Variants in SPNS1 observed in about 807,000 individuals in gnomAD.
SPNS1 encodes protein spinster homolog 1.
SPNS1 carries 22 observed loss-of-function variants against 50.3 expected under a neutral mutation model. That is an observed-to-expected ratio of 0.44 (90% confidence interval 0.31 to 0.62). The LOEUF is 0.62. Ranked by LOEUF, SPNS1 falls within the 20% of genes least tolerant of loss-of-function variation. SPNS1 has a pLI of 0.07. For missense variants in SPNS1, 576 were observed against 728.6 expected, an observed-to-expected ratio of 0.79 and a Z score of 2.41; for synonymous variants, 295 against 317.4, an observed-to-expected ratio of 0.93 and a Z score of 0.75.
At position 28,983,805 on chromosome 16, in the gene SPNS1, G is replaced by A. The variant is rs750776330; in HGVS notation, c.1340G>A (p.Arg447Gln). ...LIGLISDRLR[R>Q]NWPPSFLSEF... The stretch of plus-strand genomic sequence containing the variant: ...CTGCAGATCTCTGACCGCCTGCGCC[G>A]GAACTGGCCCCCCTCCTTCTTGTCC... Residue 447 changes from arginine (R) to glutamine (Q), a missense_variant, in exon 11 of 12, where the codon CGG becomes CAG. By Grantham distance (43) the Arg-to-Gln change is conservative. Around this residue, in one of 3 missense-constraint regions of SPNS1, gnomAD observed 428 missense variants for 520.1 expected, o/e 0.82. Coordinates refer to ENST00000311008, the MANE Select transcript of SPNS1 (RefSeq NM_032038.3). This position sits in a 1 kb window ranked among gnomAD's most constrained non-coding sequence, Gnocchi z 5.4. 25 of 1,597,062 alleles carry A rather than the reference G, an allele frequency of 1.6e-5. No individual in the cohort carries two copies. The highest frequency in any genetic ancestry group is 1.7e-4 in the Middle Eastern group (1 of 6,026).
chr16:28,981,154 C>T lies in SPNS1; in HGVS notation c.664-316C>T, dbSNP rs552574807. The stretch of plus-strand genomic sequence containing the variant: ...ACGTGCCCTCTGCGGAATCCGTCAC[C>T]GAGGCTGGGGTGGTTAACAGTCCTC... On this transcript the variant is annotated intron_variant, in intron 5 of 11. Coordinates refer to ENST00000311008, the MANE Select transcript of SPNS1 (RefSeq NM_032038.3). The surrounding 1 kb of genome is among the most constrained non-coding windows in gnomAD (Gnocchi z 4.2). Among the ~76,000 whole-genome samples, 10 of 152,264 alleles carry T rather than the reference C, an allele frequency of 6.6e-5. No homozygotes were observed. The highest frequency in any genetic ancestry group is 7.3e-5 in the Non-Finnish European group (5 of 68,034).
At position 28,981,986 on chromosome 16, in the gene SPNS1, C is replaced by T. The variant is rs1449183093; in HGVS notation, c.895C>T (p.Leu299=). 6.2e-7 allele frequency: 1 copy of T among 1,614,274 alleles called. No homozygotes were observed. The highest frequency in any genetic ancestry group is 1.1e-5 in the South Asian group (1 of 91,092). ...GGCTCTGTGGGCTCCGGCATTCCTG[C>T]TGCGTTCCCGCGTGGTCCTTGGGGA... ...SLALWAPAFL[L]RSRVVLGETP... Residue 299 remains leucine, a synonymous_variant, in exon 7 of 12, where the codon CTG becomes TTG. Coordinates refer to ENST00000311008, the MANE Select transcript of SPNS1 (RefSeq NM_032038.3). This position sits in a 1 kb window ranked among gnomAD's most constrained non-coding sequence, Gnocchi z 4.2.
Position 28,979,172 on chromosome 16 carries a change from C to T in SPNS1, c.462C>T (p.Leu154=). Residue 154 remains leucine (L), a synonymous_variant, in exon 4 of 12, where the codon CTC becomes CTT. Transcript: ENST00000311008. ...FIPGEHFWLL[L]LTRGLVGVGE... is the part of the protein sequence containing the mutation. ...CTCCCCAGCATTTCTGGCTGCTCCT[C>T]CTGACCCGGGGCCTGGTGGGGGTCG... is the stretch of plus-strand genomic sequence containing the variant. 2 of 1,614,028 alleles carry T rather than the reference C, an allele frequency of 1.2e-6. No homozygotes were observed. Among genetic ancestry groups the T allele is most frequent in the Non-Finnish European group, 1.7e-6 (2 of 1,180,014 alleles).
chr16:28,978,417 C>T (rs1328227787), intron 3 of SPNS1: 2 of 195,654 alleles, frequency 1.0e-5, no homozygotes, highest in Non-Finnish European at 2.1e-5. Context: ...ATCACTCTGC[C>T]TGCACTTCCT....
chr16:28,984,008 G>A (rs374340826), intron 11 of SPNS1, 51 bp downstream of exon 11: 19 of 1,517,582 alleles, frequency 1.3e-5, no homozygotes, highest in Non-Finnish European at 1.4e-5. Flanking sequence ...CTGTCTGTCT[G>A]TCCATCTGTC....
chr16:28,983,647 A>G lies in SPNS1; in HGVS notation c.1321-139A>G, dbSNP rs1965639266. 3.0e-6 allele frequency: 3 copies of G among 1,016,494 alleles called. No individual in the cohort carries two copies. Among genetic ancestry groups the G allele is most frequent in the Non-Finnish European group, 4.3e-6 (3 of 703,782 alleles). 63.0% of individuals were successfully genotyped at this position (1,016,494 alleles called of 1,614,324 possible). ...CTCCTGAGTAGCTGGGATGATAGGC[A>G]TGAGCCACTGCATCTAGCTCAAACC... On this transcript the variant is annotated intron_variant, in intron 10 of 11. Coordinates refer to ENST00000311008, the MANE Select transcript of SPNS1 (RefSeq NM_032038.3). The surrounding 1 kb of genome is among the most constrained non-coding windows in gnomAD (Gnocchi z 5.4).
At chr16:28,982,739 A>G in intron 8 of SPNS1, 118 bp from the exon 9 acceptor site, 1 of 1,282,650 alleles carries the variant, frequency 7.8e-7, no homozygotes, top group South Asian at 1.3e-5. Flanking sequence ...TATTAGTAGC[A>G]CCTGTCTCAC....
intron 3 of SPNS1, among the ~76,000 whole-genome samples, 160 bp downstream of exon 3, chr16:28,978,204 C>T (rs1427569649): frequency 2.0e-5 from 3 of 151,952 alleles, no homozygotes; most frequent in African/African-American, 7.3e-5. Flanking sequence ...ACCTGCCCCA[C>T]CCCATCCTCC....
chr16:28,982,010 G>A lies in SPNS1; in HGVS notation c.919G>A (p.Glu307Lys). 1 of 1,614,222 alleles carries A rather than the reference G, an allele frequency of 6.2e-7. No individual in the cohort carries two copies. The highest frequency in any genetic ancestry group is 8.5e-7 in the Non-Finnish European group (1 of 1,180,044). Residue 307 changes from glutamate (E) to lysine (K), a missense_variant, in exon 7 of 12, where the codon GAG becomes AAG. Around this residue, in one of 3 missense-constraint regions of SPNS1, gnomAD observed 428 missense variants for 520.1 expected, o/e 0.82. Coordinates refer to ENST00000311008, the MANE Select transcript of SPNS1 (RefSeq NM_032038.3). ...FLLRSRVVLG[E>K]TPPCLPGDSC... Reference sequence around the variant, plus strand: ...GCTGCGTTCCCGCGTGGTCCTTGGGGAGACCCCACCCTGCCTTCCCGGAGA... The same window carrying A: ...GCTGCGTTCCCGCGTGGTCCTTGGGAAGACCCCACCCTGCCTTCCCGGAGA...
At chr16:28,978,254 T>C (rs145845819) in intron 3 of SPNS1, among the ~76,000 whole-genome samples, 152 of 151,968 alleles carry the variant, frequency 1.0e-3, no homozygotes, top group African/African-American at 3.6e-3. Context: ...TATCCCCTCT[T>C]CCCCTGACCA....
intron 5 of SPNS1, chr16:28,980,395 T>C (rs955269227): frequency 6.6e-6 from 1 of 152,066 alleles, no homozygotes; most frequent in African/African-American, 2.4e-5. Flanking sequence ...CCTCCTAAAG[T>C]GCTGGGCTTA....
Position 28,981,614 on chromosome 16 carries a change from A to G in SPNS1, c.808A>G (p.Asn270Asp). The G allele has an allele frequency of 2.5e-6, 4 of 1,613,968 alleles. No homozygotes were observed. Among genetic ancestry groups the G allele is most frequent in the Non-Finnish European group, 3.4e-6 (4 of 1,179,924 alleles). Residue 270 changes from asparagine to aspartate, a missense_variant and splice_region_variant, in exon 6 of 12, where the codon AAT (asparagine) becomes GAT (aspartate). Transcript: ENST00000311008. This position sits in a 1 kb window ranked among gnomAD's most constrained non-coding sequence, Gnocchi z 4.2. ...WWADLRALARNPSFVLSSLGF... is the reference protein window; with the variant it reads ...WWADLRALARDPSFVLSSLGF... ...GGCAGATCTGAGGGCTCTGGCAAGA[A>G]AGTGAGTTTATTCCCACCCTAGACC...
At position 28,974,934 on chromosome 16, in the gene SPNS1, C is replaced by T. The variant is rs1965278627; in HGVS notation, c.-218C>T. ...CCTGTCCCCGACATCACGTGTATTCCGCACGTCCCCTCCGCGCTGTGTGTC... is the reference window on the plus strand; with the variant it reads ...CCTGTCCCCGACATCACGTGTATTCTGCACGTCCCCTCCGCGCTGTGTGTC... On this transcript the variant is annotated 5_prime_UTR_variant, in exon 1 of 12. Coordinates refer to ENST00000311008, the MANE Select transcript of SPNS1 (RefSeq NM_032038.3). 1 of 1,502,388 alleles carries T rather than the reference C, an allele frequency of 6.7e-7. No individual in the cohort carries two copies. The highest frequency in any genetic ancestry group is 1.4e-5 in the African/African-American group (1 of 72,322). The allele number at this position is 1,502,388 out of a possible 1,614,324, so 93.1% of individuals were successfully genotyped here.
At chr16:28,976,140 C>T (rs552329206) in intron 2 of SPNS1, among the ~76,000 whole-genome samples, 11 of 152,192 alleles carry the variant, frequency 7.2e-5, no homozygotes, top group South Asian at 4.2e-4. Flanking sequence ...GGCATGGTAG[C>T]GAGCGCCTGT....
In SPNS1 at chr16:28,975,326, G is replaced by A; in HGVS notation, c.175G>A (p.Ala59Thr). The change falls in exon 1 of 12, where the codon GCT becomes ACT. Residue 59 changes from alanine to threonine, a missense_variant. Physicochemically the swap from Ala to Thr is moderately conservative, Grantham distance 58. Coordinates refer to ENST00000311008, the MANE Select transcript of SPNS1 (RefSeq NM_032038.3). ...RITGLSPGRS[A>T]LIVAVLCYIN... Reference sequence around the variant, plus strand: ...CACCGGCCTGTCTCCCGGCCGTTCGGCTCTCATAGTGGCGGTGCTGTGCTA... The same window carrying A: ...CACCGGCCTGTCTCCCGGCCGTTCGACTCTCATAGTGGCGGTGCTGTGCTA... The A allele has an allele frequency of 6.3e-7, 1 of 1,586,876 alleles. No homozygotes were observed. The highest frequency in any genetic ancestry group is 8.6e-7 in the Non-Finnish European group (1 of 1,162,998).
chr16:28,981,386 G>A lies in SPNS1; in HGVS notation c.664-84G>A. Reference sequence around the variant, plus strand: ...TGGGTATTTTAGGTCTCAGGCTGGAGTTATCTGTACCCCACACTCTCCTCC... The same window carrying A: ...TGGGTATTTTAGGTCTCAGGCTGGAATTATCTGTACCCCACACTCTCCTCC... On this transcript the variant is annotated intron_variant, in intron 5 of 11. Transcript: ENST00000311008. The surrounding 1 kb of genome is among the most constrained non-coding windows in gnomAD (Gnocchi z 4.2). 1 of 1,557,046 alleles carries A rather than the reference G, an allele frequency of 6.4e-7. No homozygotes were observed. Among genetic ancestry groups the A allele is most frequent in the Admixed American group, 1.8e-5 (1 of 56,756 alleles).
Position 28,981,687 on chromosome 16 carries a change from T to C in SPNS1, c.809+72T>C. The stretch of plus-strand genomic sequence containing the variant: ...CTGGTTTGAGGTTTAAGTGGGGATG[T>C]TCCTGTTCCTGGCCACACCCCAAGG... On this transcript the variant is annotated intron_variant, in intron 6 of 11. Transcript: ENST00000311008. The surrounding 1 kb of genome is among the most constrained non-coding windows in gnomAD (Gnocchi z 4.2). The C allele has an allele frequency of 6.3e-7, 1 of 1,577,992 alleles. No homozygotes were observed. Among genetic ancestry groups the C allele is most frequent in the Non-Finnish European group, 8.6e-7 (1 of 1,159,464 alleles).
chr16:28,980,906 T>A (rs1015627210), intron 5 of SPNS1, among the ~76,000 whole-genome samples: 1 of 152,198 alleles, frequency 6.6e-6, no homozygotes, highest in Non-Finnish European at 1.5e-5. Flanking sequence ...AAAGGGGCTG[T>A]CTTGGCTTTC....
At position 28,979,387 on chromosome 16, in the gene SPNS1, C is replaced by T. The variant is rs1375000395; in HGVS notation, c.597-18C>T. On this transcript the variant is annotated intron_variant, in intron 4 of 11. Coordinates refer to ENST00000311008, the MANE Select transcript of SPNS1 (RefSeq NM_032038.3). ...CTGACTGGCTGTCCCCCCTTTTTCC[C>T]CTCTCTCCCTCCCACAGTGGTCTGG... 2 of 1,613,882 alleles carry T rather than the reference C, an allele frequency of 1.2e-6. No homozygotes were observed. Among genetic ancestry groups the T allele is most frequent in the African/African-American group, 1.3e-5 (1 of 74,880 alleles).
Sources: allele counts gnomAD v4.1 joint callset (sites outside exome capture counted in the v4.1 genomes callset), GRCh38; gene constraint gnomAD v4.1.1; regional missense constraint gnomAD v4.1.1; non-coding constraint Gnocchi (gnomAD v3.1); transcripts MANE v1.5; gene names NCBI Gene and HGNC (gene_info 2026-07-23, HGNC 2026-07-21).